The following PRKCB variants were observed in gnomAD, a reference collection of about 807,000 sequenced individuals.
PRKCB encodes the protein protein kinase C beta.
PRKCB carries 13 observed loss-of-function variants against 81.5 expected under a neutral mutation model. The observed-to-expected ratio is 0.16, with a 90% CI of 0.10 to 0.25. The LOEUF (loss-of-function observed/expected upper bound fraction) is 0.25, where lower values mean the gene tolerates loss of function less well. Among genes scored for constraint, PRKCB ranks in the 10% least tolerant of loss-of-function variants. The pLI is 1.00. For missense variants in PRKCB, 509 were observed against 875.7 expected, an observed-to-expected ratio of 0.58 and a Z score of 5.29; for synonymous variants, 335 against 321.4, an observed-to-expected ratio of 1.04 and a Z score of -0.45.
At chr16:23,913,798 A>G (rs1162228293) in intron 2 of PRKCB, among the ~76,000 whole-genome samples, 3 of 152,146 alleles carry the variant, frequency 2.0e-5, no homozygotes, top group Non-Finnish European at 4.4e-5. Flanking sequence ...ATTCCTGTGC[A>G]GGTGATGTTT....
At position 23,838,748 on chromosome 16, in the gene PRKCB, T is replaced by C. The variant is rs1340844748; in HGVS notation, c.205+1342T>C. ...TGTTTGCTTGCTGGCAGCATGGCAC[T>C]GTGCTCCTCTGAGACTCTTGCATAC... On this transcript the variant is annotated intron_variant, in intron 2 of 16. Coordinates refer to ENST00000643927, the MANE Select transcript of PRKCB (RefSeq NM_002738.7). Among the ~76,000 whole-genome samples the C allele has an allele frequency of 2.6e-5, 4 of 152,218 alleles. No individual in the cohort carries two copies. The East Asian group carries it at 7.7e-4, about 29-fold the overall frequency.
chr16:24,051,228 G>A (rs1044737161), intron 5 of PRKCB, among the ~76,000 whole-genome samples: 1 of 152,224 alleles, frequency 6.6e-6, no homozygotes, highest in African/African-American at 2.4e-5. Flanking sequence ...GAAAGAAAAC[G>A]TGGCAGGAGC....
intron 2 of PRKCB, among the ~76,000 whole-genome samples, chr16:23,919,971 A>C (rs1299509020): frequency 6.6e-6 from 1 of 152,184 alleles, no homozygotes; most frequent in East Asian, 1.9e-4. Context: ...GGAGTGTACA[A>C]ATATCTCTTC....
intron 7 of PRKCB, among the ~76,000 whole-genome samples, chr16:24,096,460 C>G (rs912741384): frequency 6.6e-6 from 1 of 151,552 alleles, no homozygotes; most frequent in Non-Finnish European, 1.5e-5. Flanking sequence ...TCCATGGACA[C>G]TAGAGTGGCT....
At chr16:23,881,085 G>T (rs546033283) in intron 2 of PRKCB, among the ~76,000 whole-genome samples, 1 of 152,136 alleles carries the variant, frequency 6.6e-6, no homozygotes, top group African/African-American at 2.4e-5. Context: ...ACTTCTAGAA[G>T]TTTTCAGCAG....
intron 9 of PRKCB, among the ~76,000 whole-genome samples, chr16:24,137,549 G>A (rs1009654468): frequency 6.6e-6 from 1 of 152,114 alleles, no homozygotes; most frequent in Non-Finnish European, 1.5e-5. Context: ...GATAAATCAA[G>A]TCCTCTTGTA....
intron 3 of PRKCB, among the ~76,000 whole-genome samples, chr16:24,013,044 C>T (rs1270807551): frequency 6.6e-6 from 1 of 152,188 alleles, no homozygotes. Context: ...GTCCAAATCT[C>T]TGATTGATTC....
chr16:23,880,437 A>G (rs1329904507), intron 2 of PRKCB, among the ~76,000 whole-genome samples: 1 of 151,394 alleles, frequency 6.6e-6, no homozygotes, highest in Non-Finnish European at 1.5e-5. Context: ...TTAATTTTTA[A>G]TCCCGGGATG....
In PRKCB at chr16:24,130,135, A is replaced by G. The variant is rs187964993; in HGVS notation, c.1065+6154A>G. 9.8e-5 allele frequency among the ~76,000 whole-genome samples: 15 copies of G among 152,370 alleles called. No homozygotes were observed. In the East Asian group the frequency reaches 2.9e-3, roughly 29 times the overall value. On this transcript the variant is annotated intron_variant, in intron 9 of 16. Transcript: ENST00000643927. The stretch of plus-strand genomic sequence containing the variant: ...ATGTATACCATTTAACCAGAATTCA[A>G]TATTTGCAATGATTATTTTAAAGGT...
chr16:23,886,883 C>G (rs1490307667), intron 2 of PRKCB, among the ~76,000 whole-genome samples: 1 of 152,134 alleles, frequency 6.6e-6, no homozygotes, highest in African/African-American at 2.4e-5. Flanking sequence ...TCCCACTTTC[C>G]TAATTTCAGC....
At chr16:23,987,151 G>A (rs1440640852) in intron 2 of PRKCB, among the ~76,000 whole-genome samples, 2 of 152,154 alleles carry the variant, frequency 1.3e-5, no homozygotes, top group East Asian at 3.9e-4. Flanking sequence ...AGTTGATATG[G>A]GTTGATAGGT....
At chr16:23,913,321 A>G (rs560035482) in intron 2 of PRKCB, among the ~76,000 whole-genome samples, 11 of 151,448 alleles carry the variant, frequency 7.3e-5, no homozygotes, top group African/African-American at 2.4e-4. Context: ...CCTTCCTCCT[A>G]TTGGGCCCAA....
chr16:24,030,556 A>G (rs1965537970), intron 3 of PRKCB, among the ~76,000 whole-genome samples: 2 of 152,042 alleles, frequency 1.3e-5, no homozygotes, highest in African/African-American at 4.8e-5. Flanking sequence ...CATTATCAGC[A>G]TTTTACAGAT....
At chr16:23,997,636 A>T (rs1389944018) in intron 3 of PRKCB, among the ~76,000 whole-genome samples, 1 of 152,186 alleles carries the variant, frequency 6.6e-6, no homozygotes, top group Non-Finnish European at 1.5e-5. Flanking sequence ...TTGCTCTTTT[A>T]GTTCTTTATC....
intron 2 of PRKCB, among the ~76,000 whole-genome samples, chr16:23,972,325 G>A (rs912275358): frequency 3.3e-5 from 5 of 152,108 alleles, no homozygotes; most frequent in South Asian, 2.1e-4. Flanking sequence ...TGGTACATGC[G>A]TATAATACAT....
intron 2 of PRKCB, among the ~76,000 whole-genome samples, chr16:23,938,950 T>C (rs541360189): frequency 6.6e-6 from 1 of 152,228 alleles, no homozygotes; most frequent in Non-Finnish European, 1.5e-5. Flanking sequence ...CATGCGTATC[T>C]GTGCAGAAAA....
chr16:24,004,091 A>G (rs768972083), intron 3 of PRKCB, among the ~76,000 whole-genome samples: 1 of 152,228 alleles, frequency 6.6e-6, no homozygotes, highest in Non-Finnish European at 1.5e-5. Flanking sequence ...ATAACAAAAT[A>G]TAGGAATAAA....
intron 10 of PRKCB, among the ~76,000 whole-genome samples, chr16:24,163,768 C>T (rs900018670): frequency 1.3e-5 from 2 of 152,222 alleles, no homozygotes; most frequent in Admixed American, 6.5e-5. Context: ...TGACATGCGT[C>T]ATCTGATGTA....
At chr16:23,981,502 G>A (rs1964701831) in intron 2 of PRKCB, among the ~76,000 whole-genome samples, 1 of 152,112 alleles carries the variant, frequency 6.6e-6, no homozygotes, top group Non-Finnish European at 1.5e-5. Flanking sequence ...GGTGGTGTCA[G>A]GGGGTCGGGG....
Sources: gnomAD v4.1 joint callset for allele counts (sites outside exome capture counted in the v4.1 genomes callset) on GRCh38, gnomAD v4.1.1 for gene constraint, MANE v1.5 for transcripts, NCBI Gene and HGNC (gene_info 2026-07-23, HGNC 2026-07-21) for gene names.